Variants in MYBPC2 observed in about 807,000 individuals in gnomAD.
MYBPC2 encodes the protein myosin binding protein C2, also known as myosin-binding protein C, fast-type.
MYBPC2 carries 122 observed loss-of-function variants against 137.0 expected under a neutral mutation model. The observed-to-expected ratio is 0.89, with a 90% CI of 0.77 to 1.03. MYBPC2 has a LOEUF of 1.03. Among genes scored for constraint, MYBPC2 ranks in the 50% least tolerant of loss-of-function variants. The probability of loss-of-function intolerance (pLI) is 0.00; values close to 1 mark genes in which losing one functional copy is unlikely to be tolerated. For missense variants in MYBPC2, 1,500 were observed against 1,534.4 expected, an observed-to-expected ratio of 0.98 and a Z score of 0.37; for synonymous variants, 626 against 612.3, an observed-to-expected ratio of 1.02 and a Z score of -0.33.
In MYBPC2 at chr19:50,436,636, A is replaced by T. The variant is rs755548065; in HGVS notation, c.365A>T (p.His122Leu). The change falls in exon 5 of 28, where the codon CAC (histidine) becomes CTC (leucine). Residue 122 changes from histidine to leucine, a missense_variant. Coordinates refer to ENST00000357701, the MANE Select transcript of MYBPC2 (RefSeq NM_004533.4). Reference protein sequence around the residue: ...SASNVYTVELHIGKVVLGDRG... With the variant: ...SASNVYTVELLIGKVVLGDRG... ...ACCCAGGTGTACACCGTGGAGCTGCACATTGGGAAGGTGGTACTGGGGGAC... is the reference window on the plus strand; with the variant it reads ...ACCCAGGTGTACACCGTGGAGCTGCTCATTGGGAAGGTGGTACTGGGGGAC... 72 of 1,613,804 alleles carry T rather than the reference A, an allele frequency of 4.5e-5. No homozygotes were observed. The highest frequency in any genetic ancestry group is 6.1e-5 in the Non-Finnish European group (72 of 1,179,836).
Position 50,459,315 on chromosome 19 carries a change from G to T in MYBPC2, c.2791+9G>T, listed in dbSNP as rs745853611. On this transcript the variant is annotated intron_variant, in intron 23 of 27. Transcript: ENST00000357701. ...CCGCATCCGCGTTGTGGGTGCGCGC[G>T]CTGGGGAGGGCCCCTGGAGGCCGGG... 13 of 1,589,328 alleles carry T rather than the reference G, an allele frequency of 8.2e-6. No individual in the cohort carries two copies. Among genetic ancestry groups the T allele is most frequent in the Non-Finnish European group, 1.0e-5 (12 of 1,167,526 alleles).
rs566665213 is a variant in MYBPC2 at position 50,461,968 on chromosome 19, C to T, written c.3160C>T (p.Leu1054Phe). ...FRMAPKFLTP[L>F]IDRVVVAGYS... ...GATGGCTCCCAAGTTCCTGACACCT[C>T]TCATAGACCGCGTGGTCGTGGCTGG... The change falls in exon 26 of 28, where the codon CTC (leucine) becomes TTC (phenylalanine). Residue 1054 changes from leucine to phenylalanine, a missense_variant. Coordinates refer to ENST00000357701, the MANE Select transcript of MYBPC2 (RefSeq NM_004533.4). 4.4e-6 allele frequency: 7 copies of T among 1,584,796 alleles called. No homozygotes were observed. In the African/African-American group the frequency reaches 8.1e-5, roughly 18 times the overall value.
intron 23 of MYBPC2, 113 bp from the exon 24 acceptor site, chr19:50,459,927 T>TG (rs2039955690): frequency 6.5e-6 from 9 of 1,379,980 alleles, no homozygotes; most frequent in Non-Finnish European, 8.7e-6. Context: ...GGAATGGGAA[T>TG]GGGGCATAAG....
Position 50,440,678 on chromosome 19 carries a change from C to CAAAAA in MYBPC2, c.573-200_573-196dup, listed in dbSNP as rs753930627. ...AATCTGTCTCAAAAAAAAAAAAAACCAAAAAACCCAGTGGGGACTGTGCTG... is the reference window on the plus strand; with the variant it reads ...AATCTGTCTCAAAAAAAAAAAAAACCAAAAAAAAAAACCCAGTGGGGACTGTGCTG... On this transcript the variant is annotated intron_variant, in intron 7 of 27. Transcript: ENST00000357701. 1.6e-3 allele frequency among the ~76,000 whole-genome samples: 222 copies of CAAAAA among 140,320 alleles called. 11 individuals are homozygous for CAAAAA. Among genetic ancestry groups the CAAAAA allele is most frequent in the Non-Finnish European group, 1.7e-3 (112 of 64,766 alleles). The allele number at this position is 140,320 out of a possible 152,430, so 92.1% of individuals were successfully genotyped here.
Position 50,432,970 on chromosome 19 carries a change from C to T in MYBPC2, c.17C>T (p.Pro6Leu). Residue 6 changes from proline (P) to leucine (L), a missense_variant and splice_region_variant, in exon 1 of 28, where the codon CCA becomes CTA. Physicochemically the swap from Pro to Leu is moderately conservative, Grantham distance 98 (BLOSUM62 -3). Transcript: ENST00000357701. This position sits in a 1 kb window ranked among gnomAD's most constrained non-coding sequence, Gnocchi z 5.5. ...TCCCCCGACATGCCTGAGGCAAAAC[C>T]AGGTGGCGCCAGGACCCCCTCCCTG... MPEAK[P>L]AAKKAPKGKD... is the part of the protein sequence containing the mutation. 1 of 1,600,352 alleles carries T rather than the reference C, an allele frequency of 6.2e-7. No individual in the cohort carries two copies. The highest frequency in any genetic ancestry group is 1.7e-5 in the Admixed American group (1 of 57,702).
chr19:50,444,741 G>C (rs10405007), intron 11 of MYBPC2, among the ~76,000 whole-genome samples: 1 of 151,728 alleles, frequency 6.6e-6, no homozygotes, highest in Admixed American at 6.6e-5. Flanking sequence ...TTAGCCGGGC[G>C]TGTTGGCGGG....
chr19:50,462,792 G>A (rs1049589225), intron 26 of MYBPC2, among the ~76,000 whole-genome samples: 4 of 150,252 alleles, frequency 2.7e-5, no homozygotes, highest in Non-Finnish European at 5.9e-5. Flanking sequence ...CAGGTGATCC[G>A]CCTGCCTCAG....
chr19:50,454,367 C>T lies in MYBPC2; in HGVS notation c.2012C>T (p.Thr671Ile), dbSNP rs1009629209. The change falls in exon 18 of 28, where the codon ACC (threonine) becomes ATC (isoleucine). Residue 671 changes from threonine to isoleucine, a missense_variant and splice_region_variant. Transcript: ENST00000357701. ...ATGTACGATGGGGGGAAGCCAGTCA[C>T]CGGTGAGTGCCTCTGTCCTCATGAC... is the stretch of plus-strand genomic sequence containing the variant. The part of the protein sequence containing the change: ...PPMYDGGKPV[T>I]GYLVERKKKG... 9 of 1,606,246 alleles carry T rather than the reference C, an allele frequency of 5.6e-6. No individual in the cohort carries two copies. The highest frequency in any genetic ancestry group is 1.1e-5 in the South Asian group (1 of 90,252).
rs763411227 is a variant in MYBPC2 at position 50,454,342 on chromosome 19, A to G, written c.1987A>G (p.Met663Val). 5.0e-6 allele frequency: 8 copies of G among 1,611,678 alleles called. No homozygotes were observed. The highest frequency in any genetic ancestry group is 3.3e-5 in the Admixed American group (2 of 59,812). The part of the protein sequence containing the change: ...DWAILVWEPP[M>V]YDGGKPVTGY... ...GGCCATCCTTGTCTGGGAGCCACCA[A>G]TGTACGATGGGGGGAAGCCAGTCAC... The change falls in exon 18 of 28, where the codon ATG (methionine) becomes GTG (valine). Residue 663 changes from methionine (M) to valine (V), a missense_variant. Met to Val is a conservative substitution (Grantham distance 21). Coordinates refer to ENST00000357701, the MANE Select transcript of MYBPC2 (RefSeq NM_004533.4).
In MYBPC2 at chr19:50,440,678, C is replaced by A. The variant is rs79756970; in HGVS notation, c.573-202C>A. Among the ~76,000 whole-genome samples the A allele has an allele frequency of 5.1e-3, 721 of 140,348 alleles. 26 individuals are homozygous for A. Among genetic ancestry groups the A allele is most frequent in the African/African-American group, 9.7e-3 (370 of 38,122 alleles). 92.1% of individuals were successfully genotyped at this position (140,348 alleles called of 152,430 possible). On this transcript the variant is annotated intron_variant, in intron 7 of 27. Coordinates refer to ENST00000357701, the MANE Select transcript of MYBPC2 (RefSeq NM_004533.4). ...AATCTGTCTCAAAAAAAAAAAAAAC[C>A]AAAAAACCCAGTGGGGACTGTGCTG...
rs771177663 is a variant in MYBPC2 at position 50,461,993 on chromosome 19, G to GGTACTCGGCAGCCCTCAACT, written c.3188_3207dup (p.Ala1070ThrfsTer20). Reference sequence around the variant, plus strand: ...CTCATAGACCGCGTGGTCGTGGCTGGGTACTCGGCAGCCCTCAACTGTGCT... The same window carrying GGTACTCGGCAGCCCTCAACT: ...CTCATAGACCGCGTGGTCGTGGCTGGGTACTCGGCAGCCCTCAACTGTACTCGGCAGCCCTCAACTGTGCT... On this transcript the variant is annotated frameshift_variant, in exon 26 of 28. Coordinates refer to ENST00000357701, the MANE Select transcript of MYBPC2 (RefSeq NM_004533.4). LOFTEE classifies it high-confidence loss of function. 18 of 1,574,892 alleles carry GGTACTCGGCAGCCCTCAACT rather than the reference G, an allele frequency of 1.1e-5. No homozygotes were observed. In the South Asian group the frequency reaches 2.1e-4, roughly 18 times the overall value.
chr19:50,447,684 C>T lies in MYBPC2; in HGVS notation c.1307-541C>T, dbSNP rs572505798. ...ACCAGCCTGGTCAACATGGTGAAAC[C>T]CCATCTCTACTAAAAATACAAAATT... On this transcript the variant is annotated intron_variant, in intron 12 of 27. Transcript: ENST00000357701. Among the ~76,000 whole-genome samples the T allele has an allele frequency of 2.4e-4, 37 of 152,028 alleles. No individual in the cohort carries two copies. In the South Asian group the frequency reaches 7.7e-3, roughly 32 times the overall value.
Position 50,451,310 on chromosome 19 carries a change from G to T in MYBPC2, c.1609+1G>T. ...AAGGTGGAGTACGTTCCCAAGCAAG[G>T]TGAGCACCACGGGCTGCGCTGGGAG... On this transcript the variant is annotated splice_donor_variant, in intron 15 of 27. Coordinates refer to ENST00000357701, the MANE Select transcript of MYBPC2 (RefSeq NM_004533.4). LOFTEE classifies it high-confidence loss of function. 1 of 1,613,574 alleles carries T rather than the reference G, an allele frequency of 6.2e-7. No individual in the cohort carries two copies. The highest frequency in any genetic ancestry group is 8.5e-7 in the Non-Finnish European group (1 of 1,179,838).
chr19:50,436,586 CG>C (rs2039705777), intron 4 of MYBPC2, 30 bp from the exon 5 acceptor site: 2 of 1,588,344 alleles, frequency 1.3e-6, no homozygotes. Flanking sequence ...AGGGTGGTCC[CG>C]TGCACCCACA....
intron 11 of MYBPC2, among the ~76,000 whole-genome samples, chr19:50,444,759 A>T (rs2039788393): frequency 6.6e-6 from 1 of 151,328 alleles, no homozygotes; most frequent in African/African-American, 2.4e-5. Flanking sequence ...GGGCGCCTGT[A>T]GTCCCAGCTA....
At chr19:50,460,910 C>T (rs12976720) in intron 24 of MYBPC2, among the ~76,000 whole-genome samples, 51,184 of 151,902 alleles carry the variant, frequency 0.34, 8,868 homozygotes, top group Non-Finnish European at 0.39. Flanking sequence ...AGGCTGGTCT[C>T]GAACTCCTGG....
intron 16 of MYBPC2, among the ~76,000 whole-genome samples, chr19:50,453,483 A>C (rs984157883): frequency 6.6e-6 from 1 of 151,976 alleles, no homozygotes; most frequent in African/African-American, 2.4e-5. Flanking sequence ...AGCCTTGCAA[A>C]ATCTCTGGGA....
In MYBPC2 at chr19:50,448,359, A is replaced by C. The variant is rs781483688; in HGVS notation, c.1441A>C (p.Ser481Arg). Residue 481 changes from serine (S) to arginine (R), a missense_variant, in exon 13 of 28, where the codon AGC becomes CGC. Transcript: ENST00000357701. ...WYKNGVEVRP[S>R]KRITISHVGR... is the part of the protein sequence containing the mutation. ...TAAGAATGGGGTCGAGGTGCGGCCC[A>C]GCAAGAGGATCACCATTTCCCATGT... 3.7e-6 allele frequency: 6 copies of C among 1,613,794 alleles called. No homozygotes were observed. Among genetic ancestry groups the C allele is most frequent in the Non-Finnish European group, 5.1e-6 (6 of 1,179,720 alleles).
intron 26 of MYBPC2, among the ~76,000 whole-genome samples, chr19:50,462,611 T>C (rs1355208753): frequency 6.6e-6 from 1 of 150,968 alleles, no homozygotes; most frequent in Non-Finnish European, 1.5e-5. Context: ...TTTTTCTTTC[T>C]TTCCTGAGAC....
Sources: allele counts gnomAD v4.1 joint callset (sites outside exome capture counted in the v4.1 genomes callset), GRCh38; gene constraint gnomAD v4.1.1; non-coding constraint Gnocchi (gnomAD v3.1); transcripts MANE v1.5; gene names NCBI Gene and HGNC (gene_info 2026-07-23, HGNC 2026-07-21).